Variants in CHFR observed in about 807,000 individuals in gnomAD.
CHFR encodes E3 ubiquitin-protein ligase CHFR.
Under a neutral mutation model 87.6 loss-of-function variants are expected in CHFR, and 57 were observed. The ratio of observed to expected loss-of-function variants is 0.65; its 90% CI spans 0.53 to 0.81. CHFR has a LOEUF of 0.81. CHFR is among the 30% of genes least tolerant of loss of function. The pLI, the probability that CHFR is intolerant of heterozygous loss-of-function variation, is 0.00. For synonymous variants in CHFR, 381 were observed against 359.2 expected, an observed-to-expected ratio of 1.06 and a Z score of -0.69; for missense variants, 797 against 865.8, an observed-to-expected ratio of 0.92 and a Z score of 1.00.
At chr12:132,877,842 G>A (rs566554610) in intron 2 of CHFR, among the ~76,000 whole-genome samples, 188 bp from the exon 3 acceptor site, 30 of 150,906 alleles carry the variant, frequency 2.0e-4, no homozygotes, top group South Asian at 1.3e-3. Context: ...TCGCTCTGTC[G>A]CCCAGGCTGG....
intron 16 of CHFR, among the ~76,000 whole-genome samples, chr12:132,843,533 G>A (rs939928061): frequency 2.0e-5 from 3 of 152,124 alleles, no homozygotes; most frequent in Admixed American, 6.5e-5. Context: ...AGAAACCCAC[G>A]TTACACTCAT....
At chr12:132,865,689 T>C (rs1951319446) in intron 6 of CHFR, among the ~76,000 whole-genome samples, 1 of 131,124 alleles carries the variant, frequency 7.6e-6, no homozygotes, top group Admixed American at 8.4e-5. Context: ...AGATGGGCTC[T>C]GGCTTTGTTG....
chr12:132,871,270 G>A (rs1742127242), intron 4 of CHFR, among the ~76,000 whole-genome samples: 1 of 152,004 alleles, frequency 6.6e-6, no homozygotes, highest in African/African-American at 2.4e-5. Flanking sequence ...TGGCCAACAC[G>A]GCGAAACCCT....
chr12:132,883,264 CAA>C (rs1039722847), intron 2 of CHFR, among the ~76,000 whole-genome samples: 1 of 150,494 alleles, frequency 6.6e-6, no homozygotes, highest in Non-Finnish European at 1.5e-5. Flanking sequence ...CCTGTCTCTA[CAA>C]AATACAAAAA....
chr12:132,863,143 A>G (rs935378585), intron 6 of CHFR, among the ~76,000 whole-genome samples: 30 of 129,532 alleles, frequency 2.3e-4, no homozygotes, highest in South Asian at 8.5e-4. Context: ...TGATCCACCC[A>G]CCTCGGCCTC....
At chr12:132,866,572 C>CG (rs1951344166) in intron 6 of CHFR, 1 of 129,606 alleles carries the variant, frequency 7.7e-6, no homozygotes, top group Non-Finnish European at 1.7e-5. Flanking sequence ...TACAACACAC[C>CG]AGAATGTTAC....
Position 132,837,935 on chromosome 12 carries a change from C to G in CHFR, c.*3619G>C, listed in dbSNP as rs1040691635. On this transcript the variant is annotated 3_prime_UTR_variant, in exon 18 of 18. Coordinates refer to ENST00000450056, the MANE Select transcript of CHFR (RefSeq NM_001161346.2). ...ACGATCTACTTTCCTAAATCCCCTC[C>G]GTTCTCATGCTTTCCTTCCCTTCCC... The G allele has an allele frequency of 6.6e-6, 1 of 152,386 alleles. No homozygotes were observed. The highest frequency in any genetic ancestry group is 2.1e-4 in the South Asian group (1 of 4,836). 9.4% of individuals were successfully genotyped at this position (152,386 alleles called of 1,614,324 possible).
chr12:132,864,001 C>T (rs1450919919), intron 6 of CHFR, among the ~76,000 whole-genome samples: 2 of 152,082 alleles, frequency 1.3e-5, no homozygotes, highest in Non-Finnish European at 1.5e-5. Context: ...TGAGCCCAAA[C>T]AATCCACCCA....
chr12:132,870,578 T>C, intron 5 of CHFR, 146 bp downstream of exon 5: 1 of 533,560 alleles, frequency 1.9e-6, no homozygotes, highest in Non-Finnish European at 3.4e-6. Flanking sequence ...GGGAATTGCT[T>C]GAACCCAGGA....
At chr12:132,887,021 C>A (rs1316903192) in intron 2 of CHFR, among the ~76,000 whole-genome samples, 175 bp downstream of exon 2, 1 of 152,212 alleles carries the variant, frequency 6.6e-6, no homozygotes, top group African/African-American at 2.4e-5. Flanking sequence ...AAATGATGTG[C>A]GTGAATCATG....
In CHFR at chr12:132,848,069, C is replaced by A. The variant is rs1043532053; in HGVS notation, c.1647+16G>T. 7 of 1,613,836 alleles carry A rather than the reference C, an allele frequency of 4.3e-6. No individual in the cohort carries two copies. The highest frequency in any genetic ancestry group is 5.9e-6 in the Non-Finnish European group (7 of 1,180,008). The stretch of plus-strand genomic sequence containing the variant: ...AAATGTGGCTCCCGGCTCCCCAGCC[C>A]GCAGCGAGTCGGTACCTTCAGGATG... On this transcript the variant is annotated intron_variant, in intron 14 of 17. Transcript: ENST00000450056.
At chr12:132,847,366 CA>C in intron 14 of CHFR, 1 of 1,229,016 alleles carries the variant, frequency 8.1e-7, no homozygotes, top group Non-Finnish European at 1.0e-6. Context: ...CAGAGTCTCT[CA>C]AAAGTTCTGC....
chr12:132,843,340 C>T (rs540011822), intron 16 of CHFR, among the ~76,000 whole-genome samples: 19 of 152,042 alleles, frequency 1.2e-4, no homozygotes, highest in African/African-American at 1.9e-4. Context: ...GCAGGAGAAT[C>T]GCTTGAACCT....
In CHFR at chr12:132,841,814, G is replaced by A. The variant is rs78410518; in HGVS notation, c.1917-218C>T. Among the ~76,000 whole-genome samples, 598 of 152,286 alleles carry A rather than the reference G, an allele frequency of 3.9e-3. 3 individuals carry two copies. Among genetic ancestry groups the A allele is most frequent in the African/African-American group, 0.011 (476 of 41,562 alleles). ...TCCCTTTAAAAATTTTGAAACAGAA[G>A]TGCAAACATCTGGCCACGCACAGTG... is the stretch of plus-strand genomic sequence containing the variant. On this transcript the variant is annotated intron_variant, in intron 17 of 17. Coordinates refer to ENST00000450056, the MANE Select transcript of CHFR (RefSeq NM_001161346.2).
chr12:132,850,483 C>T (rs1447255030), intron 12 of CHFR, among the ~76,000 whole-genome samples: 2 of 152,200 alleles, frequency 1.3e-5, no homozygotes, highest in South Asian at 2.1e-4. Context: ...TGGCTTCTCA[C>T]CTGCCCTCCC....
chr12:132,857,656 A>G (rs1951113102), intron 8 of CHFR, 97 bp from the exon 9 acceptor site: 12 of 1,211,620 alleles, frequency 9.9e-6, no homozygotes, highest in Non-Finnish European at 1.4e-5. Context: ...AAGGGCCTAC[A>G]GGGGCCCAGC....
chr12:132,859,356 T>TC (rs1207806296), intron 7 of CHFR, 129 bp from the exon 8 acceptor site: 1 of 911,222 alleles, frequency 1.1e-6, no homozygotes, highest in Non-Finnish European at 1.6e-6. Context: ...ATACATGCAG[T>TC]CTTTTTTTTT....
chr12:132,859,784 G>A (rs1951174627), intron 7 of CHFR, among the ~76,000 whole-genome samples: 2 of 152,310 alleles, frequency 1.3e-5, no homozygotes, highest in Middle Eastern at 3.4e-3. Context: ...GCTCACAACT[G>A]TAATCCCAGC....
chr12:132,878,004 A>G (rs931511340), intron 2 of CHFR, among the ~76,000 whole-genome samples: 2 of 151,986 alleles, frequency 1.3e-5, no homozygotes, highest in African/African-American at 2.4e-5. Flanking sequence ...GGGTTTCACC[A>G]TGTTAGCCAG....
Sources: gnomAD v4.1 joint callset for allele counts (sites outside exome capture counted in the v4.1 genomes callset) on GRCh38, gnomAD v4.1.1 for gene constraint, MANE v1.5 for transcripts, NCBI Gene and HGNC (gene_info 2026-07-23, HGNC 2026-07-21) for gene names.